ARMC2: variants seen among roughly 807,000 people sequenced by gnomAD.
The protein encoded by ARMC2 is armadillo repeat-containing protein 2.
ARMC2 carries 67 observed loss-of-function variants against 90.3 expected under a neutral mutation model. That is an observed-to-expected ratio of 0.74 (90% CI 0.61 to 0.91). ARMC2 has a LOEUF of 0.91. Among genes scored for constraint, ARMC2 ranks in the 40% least tolerant of loss-of-function variants. The pLI is 0.00. For missense variants in ARMC2, 920 were observed against 1,030.9 expected, an observed-to-expected ratio of 0.89 and a Z score of 1.47; for synonymous variants, 393 against 393.0, an observed-to-expected ratio of 1.00 and a Z score of 0.00.
chr6:109,028,781 A>G, the ARMC2 span, among the ~76,000 whole-genome samples: 1 of 152,190 alleles, frequency 6.6e-6, no homozygotes, highest in Admixed American at 6.5e-5. Context: ...TGGGTCACGA[A>G]AGCAGTGCAC....
intron 12 of ARMC2, among the ~76,000 whole-genome samples, chr6:108,951,516 T>C (rs1281257781): frequency 6.6e-6 from 1 of 152,246 alleles, no homozygotes; most frequent in East Asian, 1.9e-4. Context: ...CCTTAATGTT[T>C]GGCAAATGGT....
At chr6:108,902,783 G>A (rs1772279598) in intron 7 of ARMC2, among the ~76,000 whole-genome samples, 2 of 152,026 alleles carry the variant, frequency 1.3e-5, no homozygotes, top group African/African-American at 4.8e-5. Flanking sequence ...TTTCATGAAG[G>A]AATCTATCAG....
At chr6:109,001,454 T>G in the ARMC2 span, 1 of 1,613,730 alleles carries the variant, frequency 6.2e-7, no homozygotes, top group Middle Eastern at 1.6e-4. Flanking sequence ...AAATAAAGCA[T>G]GCATCTGTGC....
chr6:108,898,280 T>G (rs1562365395), intron 6 of ARMC2, among the ~76,000 whole-genome samples: 1 of 151,430 alleles, frequency 6.6e-6, no homozygotes, highest in African/African-American at 2.4e-5. Flanking sequence ...TCTCTGTCTC[T>G]TCTCTCTCTC....
chr6:108,964,100 T>C, intron 15 of ARMC2, 80 bp from the exon 16 acceptor site: 1 of 1,504,660 alleles, frequency 6.6e-7, no homozygotes, highest in South Asian at 1.3e-5. Context: ...ACTCCCCGTT[T>C]CCCCATACCA....
chr6:108,895,151 G>A (rs1445300872), intron 6 of ARMC2, among the ~76,000 whole-genome samples: 1 of 151,224 alleles, frequency 6.6e-6, no homozygotes. Flanking sequence ...ATAGTTCTTG[G>A]GTTCAAAGCT....
At chr6:108,862,709 G>A (rs1438794869) in intron 3 of ARMC2, among the ~76,000 whole-genome samples, 1 of 152,058 alleles carries the variant, frequency 6.6e-6, no homozygotes, top group Admixed American at 6.6e-5. Flanking sequence ...GAGAGAGAGT[G>A]GCAGAGGAGT....
intron 7 of ARMC2, 22 bp downstream of exon 7, chr6:108,899,814 A>G: frequency 6.3e-7 from 1 of 1,576,872 alleles, no homozygotes; most frequent in Non-Finnish European, 8.6e-7. Context: ...ACAAACAAAC[A>G]AAAAACCGTT....
At chr6:109,002,280 C>T in the ARMC2 span, 2 of 1,612,966 alleles carry the variant, frequency 1.2e-6, no homozygotes, top group Non-Finnish European at 1.7e-6. Flanking sequence ...CAACGTACCT[C>T]CTTTTCTGGG....
intron 5 of ARMC2, among the ~76,000 whole-genome samples, chr6:108,886,907 GT>G (rs756169770): frequency 8.3e-5 from 12 of 144,724 alleles, no homozygotes; most frequent in South Asian, 2.2e-4. Flanking sequence ...TGTTTGTTTT[GT>G]TTTTTTTTTT....
intron 13 of ARMC2, among the ~76,000 whole-genome samples, chr6:108,957,290 T>C (rs761409105): frequency 1.3e-5 from 2 of 152,192 alleles, no homozygotes; most frequent in Non-Finnish European, 1.5e-5. Flanking sequence ...ACAGCTCGAC[T>C]CCTGGGTGAG....
chr6:108,921,778 G>C lies in ARMC2; in HGVS notation c.1351-6310G>C, dbSNP rs567447779. The stretch of plus-strand genomic sequence containing the variant: ...TTTCACACTGTTTGTGGTCTCTGGC[G>C]GCTGCGTTTATTCTTTTACATCATC... On this transcript the variant is annotated intron_variant, in intron 10 of 17. Transcript: ENST00000392644. Among the ~76,000 whole-genome samples, 5 of 152,328 alleles carry C rather than the reference G, an allele frequency of 3.3e-5. 1 individual carries two copies. In the South Asian group the frequency reaches 1.0e-3, roughly 32 times the overall value.
At chr6:109,047,390 A>G in the ARMC2 span, among the ~76,000 whole-genome samples, 3 of 127,102 alleles carry the variant, frequency 2.4e-5, no homozygotes, top group Admixed American at 7.5e-5. Context: ...CCGGGAGGTG[A>G]GGGGCGCCTC....
intron 17 of ARMC2, among the ~76,000 whole-genome samples, chr6:108,968,861 A>G (rs960815882): frequency 2.6e-5 from 4 of 152,194 alleles, no homozygotes; most frequent in Non-Finnish European, 5.9e-5. Context: ...AGGAGAAGTA[A>G]TATACCCTCA....
intron 3 of ARMC2, among the ~76,000 whole-genome samples, chr6:108,867,999 C>G (rs1352013004): frequency 1.3e-5 from 2 of 151,804 alleles, no homozygotes; most frequent in African/African-American, 4.8e-5. Context: ...CAACTTTTTG[C>G]TTTTATGTTT....
the ARMC2 span, among the ~76,000 whole-genome samples, chr6:109,042,724 C>T: frequency 3.4e-4 from 51 of 152,092 alleles, no homozygotes; most frequent in Non-Finnish European, 2.2e-4. Flanking sequence ...TTTTTAAAAA[C>T]TCCCCCAAAA....
At chr6:108,962,218 C>T (rs1182024052) in intron 15 of ARMC2, 91 bp downstream of exon 15, 1 of 1,038,364 alleles carries the variant, frequency 9.6e-7, no homozygotes, top group African/African-American at 1.6e-5. Flanking sequence ...CAGTGTTATA[C>T]TTGTTTCCGT....
intron 3 of ARMC2, among the ~76,000 whole-genome samples, chr6:108,864,394 G>A (rs577545192): frequency 7.9e-5 from 12 of 151,682 alleles, no homozygotes; most frequent in African/African-American, 2.2e-4. Flanking sequence ...GACTACAGGC[G>A]CCCACCACCA....
At chr6:108,896,504 G>T (rs1300806130) in intron 6 of ARMC2, among the ~76,000 whole-genome samples, 1 of 152,154 alleles carries the variant, frequency 6.6e-6, no homozygotes, top group Admixed American at 6.5e-5. Context: ...GCAGGAGGAG[G>T]CCCAGCGTGA....
Sources: gnomAD v4.1 joint callset for allele counts (sites outside exome capture counted in the v4.1 genomes callset) on GRCh38, gnomAD v4.1.1 for gene constraint, MANE v1.5 for transcripts, NCBI Gene and HGNC (gene_info 2026-07-23, HGNC 2026-07-21) for gene names.